SGCD: variants seen among roughly 807,000 people sequenced by gnomAD.
SGCD encodes sarcoglycan delta, also known as delta-sarcoglycan.
A neutral mutation model predicts 36.6 loss-of-function variants in SGCD; 18 were observed. The ratio of observed to expected loss-of-function variants is 0.49; its 90% confidence interval spans 0.34 to 0.73. SGCD has a LOEUF of 0.73. Ranked by LOEUF, SGCD falls within the 30% of genes least tolerant of loss-of-function variation. The pLI is 0.01. For missense variants in SGCD, 387 were observed against 346.7 expected (o/e 1.12, Z -0.92); for synonymous variants, 133 against 130.6 (o/e 1.02, Z -0.12).
At chr5:156,498,088 A>C (rs1756276899) in intron 3 of SGCD, among the ~76,000 whole-genome samples, 1 of 152,162 alleles carries the variant, frequency 6.6e-6, no homozygotes, top group Admixed American at 6.6e-5. Flanking sequence ...GTAAACCCAC[A>C]CAAAGTGTGC....
At chr5:155,900,316 A>ATAACATCCCCCTTTTAT (rs1756359648) in intron 1 of SGCD, among the ~76,000 whole-genome samples, 1 of 152,224 alleles carries the variant, frequency 6.6e-6, no homozygotes, top group African/African-American at 2.4e-5. Context: ...AACAAAATAG[A>ATAACATCCCCCTTTTAT]GTACAGAGAA....
chr5:155,965,485 G>A (rs1050658036), intron 1 of SGCD, among the ~76,000 whole-genome samples: 3 of 152,082 alleles, frequency 2.0e-5, no homozygotes, highest in African/African-American at 7.2e-5. Flanking sequence ...TTACTACATT[G>A]TAGAGAGACA....
intron 3 of SGCD, among the ~76,000 whole-genome samples, chr5:156,143,700 A>G (rs1466673275): frequency 6.6e-6 from 1 of 152,118 alleles, no homozygotes. Context: ...TTGGACTTGC[A>G]TACGGCCTGC....
the SGCD span, among the ~76,000 whole-genome samples, chr5:155,863,332 C>A: frequency 2.6e-5 from 4 of 152,052 alleles, no homozygotes; most frequent in African/African-American, 9.7e-5. Flanking sequence ...GATTTGCTTC[C>A]TTCATAGCAT....
intron 1 of SGCD, among the ~76,000 whole-genome samples, chr5:155,981,011 T>C (rs1326740032): frequency 6.6e-6 from 1 of 152,190 alleles, no homozygotes; most frequent in Admixed American, 6.5e-5. Context: ...TGTCTATCTC[T>C]GAAGGATTCT....
At chr5:156,114,246 G>A (rs907785064) in intron 1 of SGCD, among the ~76,000 whole-genome samples, 2 of 152,012 alleles carry the variant, frequency 1.3e-5, no homozygotes, top group Admixed American at 1.3e-4. Flanking sequence ...AGGGATGGGT[G>A]GAGCACAAGG....
intron 3 of SGCD, among the ~76,000 whole-genome samples, chr5:156,298,730 C>T (rs1383460006): frequency 1.3e-5 from 2 of 151,408 alleles, no homozygotes; most frequent in African/African-American, 2.4e-5. Context: ...CACACGTGGC[C>T]CATTTATTAA....
intron 7 of SGCD, among the ~76,000 whole-genome samples, chr5:156,719,401 TAC>T (rs372239782): frequency 2.7e-5 from 4 of 150,912 alleles, no homozygotes; most frequent in South Asian, 2.1e-4. Flanking sequence ...GATGTATATA[TAC>T]ACACACACAC....
intron 3 of SGCD, among the ~76,000 whole-genome samples, chr5:156,347,789 AAG>A (rs771072314): frequency 2.1e-4 from 32 of 152,134 alleles, no homozygotes; most frequent in Admixed American, 1.3e-4. Context: ...TTTTATCTGG[AAG>A]ACTTAATAGA....
intron 1 of SGCD, among the ~76,000 whole-genome samples, chr5:155,984,778 G>T (rs1758296200): frequency 6.6e-6 from 1 of 152,160 alleles, no homozygotes; most frequent in South Asian, 2.1e-4. Flanking sequence ...CCCTCCACCA[G>T]AACCTCTGAT....
the SGCD span, among the ~76,000 whole-genome samples, chr5:155,859,148 A>G: frequency 6.6e-6 from 1 of 151,838 alleles, no homozygotes; most frequent in South Asian, 2.1e-4. Context: ...TGCAGCCGTA[A>G]CCCCCAGACT....
At chr5:156,615,760 C>T (rs1368421098) in intron 6 of SGCD, among the ~76,000 whole-genome samples, 1 of 151,934 alleles carries the variant, frequency 6.6e-6, no homozygotes, top group East Asian at 1.9e-4. Flanking sequence ...GATCTGGGAG[C>T]CCAAGAAGAA....
intron 6 of SGCD, among the ~76,000 whole-genome samples, chr5:156,603,957 C>A (rs1039819940): frequency 1.3e-5 from 2 of 151,964 alleles, no homozygotes; most frequent in African/African-American, 4.8e-5. Context: ...TGTTAATTTT[C>A]TGTATAAGTG....
At chr5:156,061,248 T>G (rs1184545604) in intron 1 of SGCD, among the ~76,000 whole-genome samples, 1 of 145,412 alleles carries the variant, frequency 6.9e-6, no homozygotes, top group East Asian at 1.9e-4. Flanking sequence ...CAATCTCTAC[T>G]ATTCTTCAAG....
the SGCD span, among the ~76,000 whole-genome samples, chr5:155,820,667 A>C: frequency 6.6e-6 from 1 of 152,200 alleles, no homozygotes; most frequent in African/African-American, 2.4e-5. Context: ...TCTGCACTTC[A>C]GCCTGAGTGA....
chr5:155,934,797 G>A (rs927563665), intron 1 of SGCD, among the ~76,000 whole-genome samples: 1 of 152,148 alleles, frequency 6.6e-6, no homozygotes, highest in African/African-American at 2.4e-5. Flanking sequence ...TTTAGAATGG[G>A]GGGCCATCTG....
rs538991971 is a variant in SGCD, at chr5:156,067,764, T to G, written c.-281-50114T>G. Among the ~76,000 whole-genome samples, 17 of 136,050 alleles carry G rather than the reference T, an allele frequency of 1.2e-4. 1 individual carries two copies. The highest frequency in any genetic ancestry group is 2.1e-4 in the African/African-American group (6 of 29,212). The allele number at this position is 136,050 out of a possible 152,430, so 89.3% of individuals were successfully genotyped here. A position where few individuals can be genotyped will look rare whatever the true frequency, so the allele number is the denominator to read the frequency against. The stretch of plus-strand genomic sequence containing the variant: ...AAGGGAACTCCCTGACCCCTTGCGC[T>G]TCCCAGGTGAGGCAATGCCTCGCTC... On this transcript the variant is annotated intron_variant, in intron 1 of 9. Coordinates refer to the SGCD transcript ENST00000517913.
intron 3 of SGCD, among the ~76,000 whole-genome samples, chr5:156,250,451 G>T (rs1765546184): frequency 6.6e-6 from 1 of 152,118 alleles, no homozygotes; most frequent in African/African-American, 2.4e-5. Context: ...AATTTCAGAG[G>T]CAGAGGAACA....
rs556764339 is a variant in SGCD, at chr5:156,328,986, G to A, written c.-43-548G>A. On this transcript the variant is annotated intron_variant, in intron 1 of 8. Transcript: ENST00000337851. ...TCATACTCCTCTATATTTAGCGTGCGTCAAGCATTGAGCAGAAGAGGCGTG... is the reference window on the plus strand; with the variant it reads ...TCATACTCCTCTATATTTAGCGTGCATCAAGCATTGAGCAGAAGAGGCGTG... Among the ~76,000 whole-genome samples, 53 of 152,250 alleles carry A rather than the reference G, an allele frequency of 3.5e-4. No homozygotes were observed. In the South Asian group the frequency reaches 4.6e-3, roughly 13 times the overall value.
Sources: gnomAD v4.1 joint callset for allele counts (sites outside exome capture counted in the v4.1 genomes callset) on GRCh38, gnomAD v4.1.1 for gene constraint, MANE v1.5 for transcripts, NCBI Gene and HGNC (gene_info 2026-07-23, HGNC 2026-07-21) for gene names.